B4GALNT1: variants seen among roughly 807,000 people sequenced by gnomAD.
B4GALNT1 encodes the protein beta-1,4-N-acetyl-galactosaminyltransferase 1.
A neutral mutation model predicts 55.2 loss-of-function variants in B4GALNT1; 43 were observed. The ratio of observed to expected loss-of-function variants is 0.78; its 90% CI spans 0.61 to 1.00. B4GALNT1 has a LOEUF of 1.00. Ranked by LOEUF, B4GALNT1 falls within the 50% of genes least tolerant of loss-of-function variation. The pLI is 0.00. For missense variants in B4GALNT1, 664 were observed against 729.7 expected (o/e 0.91, Z 1.04); for synonymous variants, 305 against 311.6 (o/e 0.98, Z 0.22).
rs1403081896 is a variant in B4GALNT1 at position 57,623,942 on chromosome 12, C to T, written c.*2802G>A. 2.8e-5 allele frequency: 45 copies of T among 1,613,594 alleles called. No individual in the cohort carries two copies. The highest frequency in any genetic ancestry group is 3.6e-5 in the Non-Finnish European group (43 of 1,179,672). On this transcript the variant is annotated 3_prime_UTR_variant, in exon 11 of 11. Coordinates refer to ENST00000341156, the MANE Select transcript of B4GALNT1 (RefSeq NM_001478.5). ...ATGAGCAGAGGAGGCATGAGCATGG[C>T]TGGGAGGGGTAGCTGTATTCCAGGA...
chr12:57,628,027 C>T lies in B4GALNT1; in HGVS notation c.1143+95G>A. The T allele has an allele frequency of 1.9e-6, 3 of 1,551,664 alleles. No homozygotes were observed. The South Asian group carries it at 3.6e-5, about 18-fold the overall frequency. On this transcript the variant is annotated intron_variant, in intron 9 of 10. Transcript: ENST00000341156. ...CCCACTTCGTGGTTCTCTCTTTGTC[C>T]TAGGGCTGGCCGTTCCTGGCCGCAG...
chr12:57,627,855 C>A lies in B4GALNT1; in HGVS notation c.1147G>T (p.Gly383Trp), dbSNP rs952948389. 6.3e-7 allele frequency: 1 copy of A among 1,580,720 alleles called. No homozygotes were observed. Among genetic ancestry groups the A allele is most frequent in the Admixed American group, 1.7e-5 (1 of 57,966 alleles). ...CCGGAGATCTCGCGCACCGCGCCCCCCACCTGCAGGGAGAGGGAGGTTGCC... is the reference window on the plus strand; with the variant it reads ...CCGGAGATCTCGCGCACCGCGCCCCACACCTGCAGGGAGAGGGAGGTTGCC... ...VLERTPLDLV[G>W]GAVREISGFA... is the part of the protein sequence containing the mutation. Residue 383 changes from glycine to tryptophan, a missense_variant, in exon 10 of 11, where the codon GGG becomes TGG. By Grantham distance (184) the Gly-to-Trp change is radical. Transcript: ENST00000341156.
Position 57,623,871 on chromosome 12 carries a change from G to C in B4GALNT1, c.*2873C>G. ...TCTTCTCCTGCACAGTGGTCCTGTC[G>C]GTGCTGCTGTGGCTGGGGCCCTTCT... On this transcript the variant is annotated 3_prime_UTR_variant, in exon 11 of 11. Transcript: ENST00000341156. 1 of 1,614,024 alleles carries C rather than the reference G, an allele frequency of 6.2e-7. No homozygotes were observed. Among genetic ancestry groups the C allele is most frequent in the Non-Finnish European group, 8.5e-7 (1 of 1,179,976 alleles).
chr12:57,630,580 C>G, intron 4 of B4GALNT1, 62 bp from the exon 5 acceptor site: 2 of 1,523,614 alleles, frequency 1.3e-6, no homozygotes, highest in Non-Finnish European at 1.8e-6. Flanking sequence ...TTCTCATTTT[C>G]TCTCCCTGCT....
rs750664123 is a variant in B4GALNT1, at chr12:57,631,019, C to T, written c.451G>A (p.Gly151Ser). Residue 151 changes from glycine (G) to serine (S), a missense_variant, in exon 4 of 11, where the codon GGT (glycine) becomes AGT (serine). Physicochemically the swap from Gly to Ser is moderately conservative, Grantham distance 56. Transcript: ENST00000341156. ...CTCCTGAGGGGCTGAACTTCCACACCCTGTAGGGGGTACTGGAGCGGGGAG... is the reference window on the plus strand; with the variant it reads ...CTCCTGAGGGGCTGAACTTCCACACTCTGTAGGGGGTACTGGAGCGGGGAG... ...ANSPLQYPLQ[G>S]VEVQPLRSIL... The T allele has an allele frequency of 6.2e-6, 10 of 1,613,234 alleles. No individual in the cohort carries two copies. In the East Asian group the frequency reaches 1.1e-4, roughly 18 times the overall value.
In B4GALNT1 at chr12:57,623,918, T is replaced by G. The variant is rs7314152; in HGVS notation, c.*2826A>C. Reference sequence around the variant, plus strand: ...TTCTTTTACTATCTGCCCAAGGTAATGAGCAGAGGAGGCATGAGCATGGCT... The same window carrying G: ...TTCTTTTACTATCTGCCCAAGGTAAGGAGCAGAGGAGGCATGAGCATGGCT... On this transcript the variant is annotated 3_prime_UTR_variant, in exon 11 of 11. Coordinates refer to ENST00000341156, the MANE Select transcript of B4GALNT1 (RefSeq NM_001478.5). 0.36 allele frequency: 578,136 copies of G among 1,613,436 alleles called. 110,544 individuals are homozygous for G. The highest frequency in any genetic ancestry group is 0.69 in the East Asian group (30,984 of 44,876).
chr12:57,626,868 G>A lies in B4GALNT1; in HGVS notation c.1478C>T (p.Ser493Leu). The A allele has an allele frequency of 6.2e-7, 1 of 1,614,188 alleles. No individual in the cohort carries two copies. The highest frequency in any genetic ancestry group is 8.5e-7 in the Non-Finnish European group (1 of 1,180,040). Residue 493 changes from serine (S) to leucine (L), a missense_variant, in exon 11 of 11, where the codon TCA (serine) becomes TTA (leucine). Transcript: ENST00000341156. ...HASKLKLPWT[S>L]RDAGAETYAR... ...GTAAGTCTCTGCTCCGGCATCCCTT[G>A]ATGTCCAAGGCAGCTTCAGTTTGGA...
chr12:57,623,654 AT>A lies in B4GALNT1; in HGVS notation c.*3089del, dbSNP rs1179657535. On this transcript the variant is annotated 3_prime_UTR_variant, in exon 11 of 11. Coordinates refer to ENST00000341156, the MANE Select transcript of B4GALNT1 (RefSeq NM_001478.5). The stretch of plus-strand genomic sequence containing the variant: ...CTGGTGAATAATGGGCATTTAATTA[AT>A]TGGGGGGAGCGGGAGGGTTAGATGT... 1 of 590,082 alleles carries A rather than the reference AT, an allele frequency of 1.7e-6. No individual in the cohort carries two copies. Among genetic ancestry groups the A allele is most frequent in the Non-Finnish European group, 3.0e-6 (1 of 333,340 alleles). 36.6% of individuals were successfully genotyped at this position (590,082 alleles called of 1,614,324 possible).
Position 57,625,226 on chromosome 12 carries a change from C to A in B4GALNT1, c.*1518G>T, listed in dbSNP as rs1236218402. The A allele has an allele frequency of 6.2e-7, 1 of 1,614,136 alleles. No homozygotes were observed. The highest frequency in any genetic ancestry group is 8.5e-7 in the Non-Finnish European group (1 of 1,180,014). Reference sequence around the variant, plus strand: ...TGACACCTGGGTACTCCTGTCTTCTCCCATTCTAGTTGCTGAGCCTGTCAG... The same window carrying A: ...TGACACCTGGGTACTCCTGTCTTCTACCATTCTAGTTGCTGAGCCTGTCAG... On this transcript the variant is annotated 3_prime_UTR_variant, in exon 11 of 11. Transcript: ENST00000341156.
chr12:57,626,554 G>T lies in B4GALNT1; in HGVS notation c.*190C>A. The T allele has an allele frequency of 1.5e-6, 1 of 646,308 alleles. No homozygotes were observed. The highest frequency in any genetic ancestry group is 2.7e-6 in the Non-Finnish European group (1 of 375,890). 40.0% of individuals were successfully genotyped at this position (646,308 alleles called of 1,614,324 possible). ...GGTTATGGCTCCACCAGGCCTCTGG[G>T]CACTGGAAAAAGGAGGGGTGTCACC... On this transcript the variant is annotated 3_prime_UTR_variant, in exon 11 of 11. Transcript: ENST00000341156.
chr12:57,624,732 G>T lies in B4GALNT1; in HGVS notation c.*2012C>A. The stretch of plus-strand genomic sequence containing the variant: ...CCCACCTTCTTCCCTAGGGTGTAGT[G>T]CCTGGCACTTGGACAGGCTGAGGGG... On this transcript the variant is annotated 3_prime_UTR_variant, in exon 11 of 11. Coordinates refer to ENST00000341156, the MANE Select transcript of B4GALNT1 (RefSeq NM_001478.5). 1.2e-6 allele frequency: 1 copy of T among 863,330 alleles called. No homozygotes were observed. The highest frequency in any genetic ancestry group is 1.3e-5 in the South Asian group (1 of 75,348). 53.5% of individuals were successfully genotyped at this position (863,330 alleles called of 1,614,324 possible).
At chr12:57,631,841 A>T (rs1885231896) in intron 2 of B4GALNT1, 74 bp downstream of exon 2, 3 of 1,291,558 alleles carry the variant, frequency 2.3e-6, no homozygotes, top group African/African-American at 3.1e-5. Context: ...ATCTGAGCCC[A>T]GCAGTGGAGA....
chr12:57,631,905 C>A lies in B4GALNT1; in HGVS notation c.218+10G>T. The A allele has an allele frequency of 7.2e-7, 1 of 1,385,610 alleles. No homozygotes were observed. Among genetic ancestry groups the A allele is most frequent in the Non-Finnish European group, 9.4e-7 (1 of 1,069,048 alleles). The allele number at this position is 1,385,610 out of a possible 1,614,324, so 85.8% of individuals were successfully genotyped here. A position where few individuals can be genotyped will look rare whatever the true frequency, so the allele number is the denominator to read the frequency against. The stretch of plus-strand genomic sequence containing the variant: ...GAGCGCTGCGCTGCGCCGCCGCGGT[C>A]GGCACTCACCCCACTACTTGCTCCT... On this transcript the variant is annotated intron_variant, in intron 2 of 10. Transcript: ENST00000341156.
rs1885314946 is a variant in B4GALNT1 at position 57,632,815 on chromosome 12, G to C, written c.-45C>G. Reference sequence around the variant, plus strand: ...CAGCGGCAAAATTTCGGTCCGGGCTGTGCCGGGCTCTCGCCCCGGCCTGAG... The same window carrying C: ...CAGCGGCAAAATTTCGGTCCGGGCTCTGCCGGGCTCTCGCCCCGGCCTGAG... On this transcript the variant is annotated 5_prime_UTR_variant, in exon 1 of 11. Transcript: ENST00000341156. The C allele has an allele frequency of 1.3e-5, 2 of 153,492 alleles. No individual in the cohort carries two copies. Among genetic ancestry groups the C allele is most frequent in the Non-Finnish European group, 2.9e-5 (2 of 69,088 alleles). 9.5% of individuals were successfully genotyped at this position (153,492 alleles called of 1,614,324 possible). A position where few individuals can be genotyped will look rare whatever the true frequency, so the allele number is the denominator to read the frequency against.
At chr12:57,631,870 C>T in intron 2 of B4GALNT1, 45 bp downstream of exon 2, 1 of 1,358,938 alleles carries the variant, frequency 7.4e-7, no homozygotes, top group Non-Finnish European at 9.5e-7. Flanking sequence ...GCCCCCAGAC[C>T]ACCCCCAGCG....
rs373978358 is a variant in B4GALNT1, at chr12:57,628,886, C to A, written c.829G>T (p.Ala277Ser). 2 of 1,614,134 alleles carry A rather than the reference C, an allele frequency of 1.2e-6. No homozygotes were observed. Among genetic ancestry groups the A allele is most frequent in the South Asian group, 1.1e-5 (1 of 91,070 alleles). ...LPQGAQYNIS[A>S]LVTIATKTFL... is the part of the protein sequence containing the mutation. ...GTCTTGGTGGCAATCGTGACTAGAG[C>A]GCTGATGTTGTACTGGGCTGAGATT... The change falls in exon 8 of 11, where the codon GCT becomes TCT. Residue 277 changes from alanine to serine, a missense_variant. Physicochemically the swap from Ala to Ser is moderately conservative, Grantham distance 99. Coordinates refer to ENST00000341156, the MANE Select transcript of B4GALNT1 (RefSeq NM_001478.5).
At position 57,625,396 on chromosome 12, in the gene B4GALNT1, C is replaced by T. The variant is rs773154755; in HGVS notation, c.*1348G>A. The T allele has an allele frequency of 5.6e-6, 9 of 1,614,000 alleles. No homozygotes were observed. The highest frequency in any genetic ancestry group is 7.6e-6 in the Non-Finnish European group (9 of 1,180,020). On this transcript the variant is annotated 3_prime_UTR_variant, in exon 11 of 11. Coordinates refer to ENST00000341156, the MANE Select transcript of B4GALNT1 (RefSeq NM_001478.5). ...TCTGATCTGGGACTTAACCCCTTTG[C>T]CCCATCCCTGCAGCTGGCCAGCCGA...
Position 57,631,987 on chromosome 12 carries a change from G to C in B4GALNT1, c.146C>G (p.Pro49Arg). Residue 49 changes from proline to arginine, a missense_variant, in exon 2 of 11, where the codon CCC (proline) becomes CGC (arginine). Physicochemically the swap from Pro to Arg is moderately radical, Grantham distance 103. Transcript: ENST00000341156. ...CTCAGGAGCAAGATCTGGCAGCTCG[G>C]GCCTGCGGGGGCTTTGCGGGGGCGC... is the stretch of plus-strand genomic sequence containing the variant. ...PWAPPQSPRR[P>R]ELPDLAPEPR... 1.4e-6 allele frequency: 2 copies of C among 1,456,002 alleles called. No individual in the cohort carries two copies. The highest frequency in any genetic ancestry group is 1.8e-6 in the Non-Finnish European group (2 of 1,104,528). 90.2% of individuals were successfully genotyped at this position (1,456,002 alleles called of 1,614,324 possible).
rs769987083 is a variant in B4GALNT1 at position 57,630,129 on chromosome 12, G to A, written c.712+23C>T. 62 of 1,614,206 alleles carry A rather than the reference G, an allele frequency of 3.8e-5. No homozygotes were observed. Among genetic ancestry groups the A allele is most frequent in the Admixed American group, 3.3e-4 (20 of 60,024 alleles). ...TCTTCTCTGTTTGCCCAGCCTGCCCGTCTCTCCACCCAGGCCTTGCACCTG... is the reference window on the plus strand; with the variant it reads ...TCTTCTCTGTTTGCCCAGCCTGCCCATCTCTCCACCCAGGCCTTGCACCTG... On this transcript the variant is annotated intron_variant, in intron 6 of 10. Transcript: ENST00000341156.
Sources: gnomAD v4.1 joint callset for allele counts on GRCh38, gnomAD v4.1.1 for gene constraint, MANE v1.5 for transcripts, NCBI Gene and HGNC (gene_info 2026-07-23, HGNC 2026-07-21) for gene names.